The following SAMD5 variants were observed in gnomAD, a reference collection of about 807,000 sequenced individuals.
The protein encoded by SAMD5 is sterile alpha motif domain-containing protein 5.
In SAMD5, 13 loss-of-function variants were observed where a neutral mutation model predicts 11.3. The observed-to-expected ratio is 1.15, with a 90% CI of 0.75 to 1.83. The LOEUF (loss-of-function observed/expected upper bound fraction) is 1.83, where lower values mean the gene tolerates loss of function less well. Ranked by LOEUF, SAMD5 falls within the 40% of genes most tolerant of loss-of-function variation. SAMD5 has a pLI of 0.00. For missense variants in SAMD5, 255 were observed against 239.1 expected, an observed-to-expected ratio of 1.07 and a Z score of -0.44; for synonymous variants, 129 against 111.3, an observed-to-expected ratio of 1.16 and a Z score of -1.00.
the SAMD5 span, among the ~76,000 whole-genome samples, chr6:147,923,060 A>T: frequency 4.0e-5 from 6 of 150,770 alleles, no homozygotes; most frequent in East Asian, 5.8e-4. Flanking sequence ...TAACGATGAT[A>T]AAAAAAAATT....
chr6:147,863,388 T>G, the SAMD5 span, among the ~76,000 whole-genome samples: 1 of 152,170 alleles, frequency 6.6e-6, no homozygotes, highest in African/African-American at 2.4e-5. Flanking sequence ...TGCCCTGATT[T>G]GTAAGATAAG....
rs1326354025 is a variant in SAMD5 at position 147,564,976 on chromosome 6, T to C, written c.*520T>C. ...ATAAGATAAGATACATAATTCTATG[T>C]AGAATAGTTTGGTGAAGGAATTCTT... is the stretch of plus-strand genomic sequence containing the variant. On this transcript the variant is annotated 3_prime_UTR_variant, in exon 2 of 2. Transcript: ENST00000367474. 4.9e-6 allele frequency: 4 copies of C among 823,862 alleles called. No individual in the cohort carries two copies. Among genetic ancestry groups the C allele is most frequent in the Admixed American group, 6.2e-5 (1 of 16,058 alleles). The allele number at this position is 823,862 out of a possible 1,614,324, so 51.0% of individuals were successfully genotyped here.
At chr6:147,908,482 C>T in the SAMD5 span, among the ~76,000 whole-genome samples, 1 of 152,120 alleles carries the variant, frequency 6.6e-6, no homozygotes, top group East Asian at 1.9e-4. Context: ...AAGTAGTGAA[C>T]CTAACCTAAC....
chr6:147,765,870 A>T, the SAMD5 span, among the ~76,000 whole-genome samples: 1 of 152,068 alleles, frequency 6.6e-6, no homozygotes, highest in Non-Finnish European at 1.5e-5. Flanking sequence ...ATAGTGAAAA[A>T]CCTCAGTTGT....
chr6:147,793,793 C>T, the SAMD5 span, among the ~76,000 whole-genome samples: 2 of 152,134 alleles, frequency 1.3e-5, no homozygotes, highest in Non-Finnish European at 2.9e-5. Flanking sequence ...TACTTTTTCA[C>T]CAGTGCCACA....
the SAMD5 span, among the ~76,000 whole-genome samples, chr6:147,934,106 T>A: frequency 7.2e-5 from 11 of 152,228 alleles, no homozygotes; most frequent in Admixed American, 2.0e-4. Context: ...TTTATCCTTG[T>A]ATTATAAGCA....
At chr6:147,669,725 C>T (rs907217631) in intron 1 of SAMD5, among the ~76,000 whole-genome samples, 2 of 152,114 alleles carry the variant, frequency 1.3e-5, no homozygotes, top group African/African-American at 4.8e-5. Flanking sequence ...TCCACCACAC[C>T]CAGCCTAGCT....
At chr6:147,825,403 G>T in the SAMD5 span, among the ~76,000 whole-genome samples, 1 of 152,128 alleles carries the variant, frequency 6.6e-6, no homozygotes, top group Non-Finnish European at 1.5e-5. Flanking sequence ...TTATTATAAT[G>T]AATGATTATT....
At chr6:147,737,264 G>T in intron 1 of SAMD5, 1 of 1,101,620 alleles carries the variant, frequency 9.1e-7, no homozygotes, top group Admixed American at 3.0e-5. Context: ...TTTTCACTAT[G>T]ATTTCACTGG....
At chr6:147,706,488 A>G (rs1791326719) in intron 1 of SAMD5, among the ~76,000 whole-genome samples, 1 of 152,204 alleles carries the variant, frequency 6.6e-6, no homozygotes, top group Non-Finnish European at 1.5e-5. Context: ...TTGGCCTGCC[A>G]AAGTGCTGGG....
intron 1 of SAMD5, among the ~76,000 whole-genome samples, chr6:147,674,013 TCA>T (rs1790831067): frequency 1.3e-5 from 2 of 152,224 alleles, no homozygotes; most frequent in East Asian, 3.9e-4. Context: ...TGGTATTTAT[TCA>T]CAGTTGTTCA....
the SAMD5 span, among the ~76,000 whole-genome samples, chr6:147,851,624 C>A: frequency 1.3e-5 from 2 of 152,086 alleles, no homozygotes; most frequent in Non-Finnish European, 2.9e-5. Flanking sequence ...TTTTTTATGA[C>A]CAGGCTCCAG....
intron 1 of SAMD5, among the ~76,000 whole-genome samples, chr6:147,678,399 CA>C (rs1398593522): frequency 1.3e-5 from 2 of 152,196 alleles, no homozygotes; most frequent in African/African-American, 4.8e-5. Context: ...CACTATAAAA[CA>C]GCTGAATGCT....
At chr6:147,687,186 TTAGA>T (rs1395145497) in intron 1 of SAMD5, among the ~76,000 whole-genome samples, 13 of 151,970 alleles carry the variant, frequency 8.6e-5, no homozygotes, top group Non-Finnish European at 1.8e-4. Flanking sequence ...CAGTATTCAT[TTAGA>T]TATATTCTCA....
chr6:147,922,745 C>T, the SAMD5 span, among the ~76,000 whole-genome samples: 1 of 152,066 alleles, frequency 6.6e-6, no homozygotes, highest in Non-Finnish European at 1.5e-5. Context: ...TTAATTTCTT[C>T]AGTATTACTC....
At chr6:147,903,007 C>G in the SAMD5 span, among the ~76,000 whole-genome samples, 1 of 152,052 alleles carries the variant, frequency 6.6e-6, no homozygotes, top group Non-Finnish European at 1.5e-5. Context: ...ATTCATTTGC[C>G]AGAAAAGATC....
intron 1 of SAMD5, among the ~76,000 whole-genome samples, chr6:147,689,528 T>A (rs1334912636): frequency 6.6e-6 from 1 of 152,226 alleles, no homozygotes; most frequent in African/African-American, 2.4e-5. Context: ...TACTTATCTC[T>A]GCTAACTCTT....
chr6:147,805,989 C>A, the SAMD5 span, among the ~76,000 whole-genome samples: 1 of 152,054 alleles, frequency 6.6e-6, no homozygotes, highest in South Asian at 2.1e-4. Context: ...TCAGCTGCAT[C>A]CAGACAGTCT....
At chr6:147,794,787 T>C in the SAMD5 span, among the ~76,000 whole-genome samples, 19 of 152,252 alleles carry the variant, frequency 1.2e-4, no homozygotes, top group South Asian at 2.1e-4. Flanking sequence ...CTAGGTATTG[T>C]AGCCTGCAAA....
Sources: gnomAD v4.1 joint callset for allele counts (sites outside exome capture counted in the v4.1 genomes callset) on GRCh38, gnomAD v4.1.1 for gene constraint, MANE v1.5 for transcripts, NCBI Gene and HGNC (gene_info 2026-07-23, HGNC 2026-07-21) for gene names.